Variants in CSMD1 observed in about 807,000 individuals in gnomAD.
CSMD1 encodes CUB and sushi domain-containing protein 1.
CSMD1 carries 213 observed loss-of-function variants against 417.5 expected under a neutral mutation model. The observed-to-expected ratio is 0.51, with a 90% CI of 0.46 to 0.57. CSMD1 has a LOEUF of 0.57. Ranked by LOEUF, CSMD1 falls within the 20% of genes least tolerant of loss-of-function variation. The pLI, the probability that CSMD1 is intolerant of heterozygous loss-of-function variation, is 0.00. For missense variants in CSMD1, 6,923 were observed against 4,529.7 expected, an observed-to-expected ratio of 1.53 and a Z score of -15.17; for synonymous variants, 2,862 against 1,736.8, an observed-to-expected ratio of 1.65 and a Z score of -16.11.
Position 2,963,222 on chromosome 8 carries a change from G to T in CSMD1, c.9454C>A (p.Pro3152Thr). 1 of 1,613,816 alleles carries T rather than the reference G, an allele frequency of 6.2e-7. No individual in the cohort carries two copies. The highest frequency in any genetic ancestry group is 8.5e-7 in the Non-Finnish European group (1 of 1,179,786). The change falls in exon 60 of 70, where the codon CCT (proline) becomes ACT (threonine). Residue 3152 changes from proline to threonine, a missense_variant and splice_region_variant. Pro to Thr is a conservative substitution (Grantham distance 38). Transcript: ENST00000635120. ...GAACAAATTCTGCTGTAGAACTTAC[G>T]GAGACACTGGGGGATCTCTCCTTTC... is the stretch of plus-strand genomic sequence containing the variant. Reference protein sequence around the residue: ...VWKGEIPQCLPVFCGDPGIPA... With the variant: ...VWKGEIPQCLTVFCGDPGIPA...
rs867157192 is a variant in CSMD1 at position 3,795,892 on chromosome 8, C to T, written c.819-41850G>A. Among the ~76,000 whole-genome samples, 20 of 28,246 alleles carry T rather than the reference C, an allele frequency of 7.1e-4. 1 individual carries two copies. The highest frequency in any genetic ancestry group is 2.4e-3 in the East Asian group (3 of 1,276). 18.5% of individuals were successfully genotyped at this position (28,246 alleles called of 152,430 possible). A position where few individuals can be genotyped will look rare whatever the true frequency, so the allele number is the denominator to read the frequency against. ...GATATAGATATATATCTATCATGTA[C>T]AGATATATATATCATGTACAGATAT... On this transcript the variant is annotated intron_variant, in intron 5 of 69. Transcript: ENST00000635120.
intron 7 of CSMD1, among the ~76,000 whole-genome samples, chr8:3,661,151 T>C (rs1339465526): frequency 6.6e-6 from 1 of 152,166 alleles, no homozygotes; most frequent in Non-Finnish European, 1.5e-5. Flanking sequence ...CGTACTTTCG[T>C]ATATGACTCC....
chr8:3,589,680 T>A (rs1465383897), intron 8 of CSMD1, among the ~76,000 whole-genome samples: 1 of 151,990 alleles, frequency 6.6e-6, no homozygotes, highest in African/African-American at 2.4e-5. Context: ...GGAGATCTAC[T>A]ACACAGCATG....
chr8:3,910,011 TA>T (rs2129138774), intron 5 of CSMD1, among the ~76,000 whole-genome samples: 1 of 152,246 alleles, frequency 6.6e-6, no homozygotes, highest in African/African-American at 2.4e-5. Flanking sequence ...TATTTATAAA[TA>T]AAGGTAAATA....
chr8:3,773,686 C>T (rs755688915), intron 5 of CSMD1, among the ~76,000 whole-genome samples: 4 of 152,162 alleles, frequency 2.6e-5, no homozygotes, highest in African/African-American at 4.8e-5. Flanking sequence ...CTTACAGCAA[C>T]AGCATCTTAA....
chr8:3,150,815 AAG>A (rs1412791543), intron 40 of CSMD1, among the ~76,000 whole-genome samples: 2 of 152,170 alleles, frequency 1.3e-5, no homozygotes, highest in African/African-American at 4.8e-5. Context: ...TGCATTTCTG[AAG>A]AGAGGCCAGA....
intron 12 of CSMD1, among the ~76,000 whole-genome samples, chr8:3,463,040 C>T (rs548879746): frequency 6.6e-6 from 1 of 152,350 alleles, no homozygotes; most frequent in East Asian, 1.9e-4. Flanking sequence ...AGGAAACGGT[C>T]CTCACCAGAC....
chr8:4,392,339 G>C (rs933901934), intron 3 of CSMD1, among the ~76,000 whole-genome samples: 2 of 152,126 alleles, frequency 1.3e-5, no homozygotes, highest in African/African-American at 4.8e-5. Flanking sequence ...GGATATGTAG[G>C]GAAGGTCACA....
chr8:3,750,923 G>A (rs1797306347), intron 6 of CSMD1, among the ~76,000 whole-genome samples: 1 of 152,096 alleles, frequency 6.6e-6, no homozygotes, highest in Non-Finnish European at 1.5e-5. Flanking sequence ...GTGCCTTTCT[G>A]CGTACTGTGC....
chr8:4,837,576 A>T (rs1295306872), intron 1 of CSMD1, among the ~76,000 whole-genome samples: 1 of 152,184 alleles, frequency 6.6e-6, no homozygotes, highest in Non-Finnish European at 1.5e-5. Context: ...AAGCTCATGA[A>T]CATAGAGAAT....
At chr8:3,969,309 G>C (rs529452217) in intron 5 of CSMD1, among the ~76,000 whole-genome samples, 1 of 152,080 alleles carries the variant, frequency 6.6e-6, no homozygotes, top group African/African-American at 2.4e-5. Context: ...GTGGAGAAAG[G>C]GCTTCCCAGG....
At chr8:3,078,280 TA>T (rs1422397762) in intron 49 of CSMD1, among the ~76,000 whole-genome samples, 3 of 152,222 alleles carry the variant, frequency 2.0e-5, no homozygotes, top group Admixed American at 2.0e-4. Context: ...CTGACTACAA[TA>T]CTGCTTTTAT....
chr8:3,150,424 G>A (rs13268155), intron 40 of CSMD1, among the ~76,000 whole-genome samples: 25,125 of 152,134 alleles, frequency 0.17, 2,697 homozygotes, highest in Non-Finnish European at 0.24. Flanking sequence ...CCGTCATTCC[G>A]ACTGTTCATT....
At chr8:4,663,448 C>G (rs1448901663) in intron 1 of CSMD1, among the ~76,000 whole-genome samples, 1 of 152,112 alleles carries the variant, frequency 6.6e-6, no homozygotes, top group Non-Finnish European at 1.5e-5. Flanking sequence ...AGTAGTAACC[C>G]TGAATATTGG....
chr8:4,349,243 G>A (rs911974523), intron 3 of CSMD1, among the ~76,000 whole-genome samples: 2 of 152,070 alleles, frequency 1.3e-5, no homozygotes, highest in African/African-American at 4.8e-5. Context: ...ATTGTCTTGT[G>A]GTATTTGGTA....
At chr8:4,309,288 A>G (rs528032097) in intron 3 of CSMD1, among the ~76,000 whole-genome samples, 21 of 152,272 alleles carry the variant, frequency 1.4e-4, no homozygotes, top group Admixed American at 1.3e-3. Flanking sequence ...TTCAGATACA[A>G]TATAATTGCA....
chr8:4,060,208 A>G (rs1188303665), intron 3 of CSMD1, among the ~76,000 whole-genome samples: 1 of 145,426 alleles, frequency 6.9e-6, no homozygotes, highest in Non-Finnish European at 1.5e-5. Context: ...GATTATTTCA[A>G]TAGATGCAGA....
intron 7 of CSMD1, among the ~76,000 whole-genome samples, chr8:3,685,525 G>C (rs1236585828): frequency 2.6e-5 from 4 of 152,168 alleles, no homozygotes; most frequent in South Asian, 2.1e-4. Flanking sequence ...CTAAAATTAG[G>C]GGTTTATATA....
At chr8:4,176,681 AG>A (rs1798064011) in intron 3 of CSMD1, among the ~76,000 whole-genome samples, 1 of 151,338 alleles carries the variant, frequency 6.6e-6, no homozygotes, top group Non-Finnish European at 1.5e-5. Flanking sequence ...TATTCAGGAA[AG>A]CCATCTCACG....
Sources: allele counts gnomAD v4.1 joint callset (sites outside exome capture counted in the v4.1 genomes callset), GRCh38; gene constraint gnomAD v4.1.1; transcripts MANE v1.5; gene names NCBI Gene and HGNC (gene_info 2026-07-23, HGNC 2026-07-21).